Variants in PIWIL2 observed in about 807,000 individuals in gnomAD.
PIWIL2 encodes piwi like RNA-mediated gene silencing 2.
PIWIL2 carries 81 observed loss-of-function variants against 116.5 expected under a neutral mutation model. That is an observed-to-expected ratio of 0.70 (90% CI 0.58 to 0.84). The LOEUF (loss-of-function observed/expected upper bound fraction) is 0.84. Among genes scored for constraint, PIWIL2 ranks in the 40% least tolerant of loss-of-function variants. PIWIL2 has a pLI of 0.00. For synonymous variants in PIWIL2, 489 were observed against 429.5 expected (o/e 1.14, Z -1.71); for missense variants, 1,272 against 1,212.3 (o/e 1.05, Z -0.73).
chr8:22,308,741 G>A (rs1038260057), intron 14 of PIWIL2, among the ~76,000 whole-genome samples: 4 of 151,924 alleles, frequency 2.6e-5, no homozygotes, highest in Non-Finnish European at 4.4e-5. Flanking sequence ...TTTTTGAGAC[G>A]GATTCCAAGT....
Position 22,279,437 on chromosome 8 carries a change from C to G in PIWIL2, c.51C>G (p.Ser17=). The change falls in exon 2 of 23, where the codon TCC becomes TCG. Residue 17 remains serine (S), a synonymous_variant. Coordinates refer to ENST00000356766, the MANE Select transcript of PIWIL2 (RefSeq NM_018068.5). ...GGGGCCAGTCTCCTATCCACCCATC[C>G]CAGTGCCAGGCTGTACGGATGCCAG... ...SFRGQSPIHP[S]QCQAVRMPGC... 1.9e-6 allele frequency: 3 copies of G among 1,614,156 alleles called. No homozygotes were observed. The highest frequency in any genetic ancestry group is 2.5e-6 in the Non-Finnish European group (3 of 1,180,012).
At chr8:22,331,198 A>C (rs1212652835) in intron 20 of PIWIL2, among the ~76,000 whole-genome samples, 1 of 151,954 alleles carries the variant, frequency 6.6e-6, no homozygotes, top group Non-Finnish European at 1.5e-5. Flanking sequence ...ATAAAAAATA[A>C]AAAGTTCTGA....
intron 20 of PIWIL2, among the ~76,000 whole-genome samples, chr8:22,334,193 T>C (rs1257328385): frequency 6.6e-6 from 1 of 151,886 alleles, no homozygotes; most frequent in Non-Finnish European, 1.5e-5. Context: ...CAGGCTAGTC[T>C]CGAACTCCTG....
rs777028397 is a variant in PIWIL2 at position 22,308,065 on chromosome 8, G to A, written c.1678G>A (p.Val560Ile). ...MRWGLRLQKD[V>I]HKIEGRVLPM... ...TTGGGGGCTCCGTCTGCAAAAGGAT[G>A]TACATAAGGTAAACCAAAAAACGTG... Residue 560 changes from valine to isoleucine, a missense_variant, in exon 14 of 23, where the codon GTA (valine) becomes ATA (isoleucine). Coordinates refer to ENST00000356766, the MANE Select transcript of PIWIL2 (RefSeq NM_018068.5). The A allele has an allele frequency of 2.6e-5, 42 of 1,613,176 alleles. No homozygotes were observed. The highest frequency in any genetic ancestry group is 1.6e-4 in the Middle Eastern group (1 of 6,082).
intron 20 of PIWIL2, among the ~76,000 whole-genome samples, chr8:22,337,653 C>A (rs779437810): frequency 2.6e-5 from 4 of 151,594 alleles, no homozygotes; most frequent in Non-Finnish European, 5.9e-5. Context: ...TAGCTTGTAC[C>A]TGGGAGGCGG....
intron 20 of PIWIL2, among the ~76,000 whole-genome samples, chr8:22,343,852 A>G (rs1050680847): frequency 6.6e-6 from 1 of 152,230 alleles, no homozygotes; most frequent in African/African-American, 2.4e-5. Context: ...CTAAATGTGC[A>G]CTTACATACA....
At chr8:22,288,438 A>C (rs1212645801) in intron 7 of PIWIL2, 104 bp from the exon 8 acceptor site, 3 of 793,160 alleles carry the variant, frequency 3.8e-6, no homozygotes, top group African/African-American at 3.4e-5. Context: ...AAAATGTTTT[A>C]AGATACTTTA....
chr8:22,327,449 C>A (rs1386711863), intron 20 of PIWIL2, among the ~76,000 whole-genome samples: 1 of 150,072 alleles, frequency 6.7e-6, no homozygotes, highest in Non-Finnish European at 1.5e-5. Flanking sequence ...CTCACCACAA[C>A]CTCCACCTCC....
At chr8:22,333,432 A>G (rs926786542) in intron 20 of PIWIL2, among the ~76,000 whole-genome samples, 8 of 151,936 alleles carry the variant, frequency 5.3e-5, no homozygotes, top group Non-Finnish European at 1.0e-4. Context: ...ACCAACATGG[A>G]GAAACCCCAT....
At position 22,355,279 on chromosome 8, in the gene PIWIL2, T is replaced by G. The variant is rs754811355; in HGVS notation, c.2766-70T>G. 6.1e-6 allele frequency: 9 copies of G among 1,469,076 alleles called. No individual in the cohort carries two copies. In the South Asian group the frequency reaches 6.9e-5, roughly 11 times the overall value. 91.0% of individuals were successfully genotyped at this position (1,469,076 alleles called of 1,614,324 possible). A position where few individuals can be genotyped will look rare whatever the true frequency, so the allele number is the denominator to read the frequency against. On this transcript the variant is annotated intron_variant, in intron 22 of 22. Transcript: ENST00000356766. ...CTCTGTGTCATATCCCCGTGACTAT[T>G]GTATTGTATTGCATGCCACAAATTG...
rs189141370 is a variant in PIWIL2 at position 22,354,599 on chromosome 8, C to T, written c.2765+221C>T. On this transcript the variant is annotated intron_variant, in intron 22 of 22. Coordinates refer to ENST00000356766, the MANE Select transcript of PIWIL2 (RefSeq NM_018068.5). Reference sequence around the variant, plus strand: ...AAAAATATTGATGCCAGGCTTCCCCCCAACTATTCTGAGGCATCTGTATTT... The same window carrying T: ...AAAAATATTGATGCCAGGCTTCCCCTCAACTATTCTGAGGCATCTGTATTT... Among the ~76,000 whole-genome samples the T allele has an allele frequency of 1.1e-3, 162 of 152,256 alleles. 4 individuals carry two copies. The South Asian group carries it at 0.019, about 18-fold the overall frequency.
At chr8:22,284,129 T>C in intron 5 of PIWIL2, 33 bp from the exon 6 acceptor site, 1 of 1,160,052 alleles carries the variant, frequency 8.6e-7, no homozygotes, top group Non-Finnish European at 1.2e-6. Context: ...TTGTTTTTGA[T>C]ATATGCAGTT....
chr8:22,317,841 T>C (rs1326174577), intron 19 of PIWIL2, among the ~76,000 whole-genome samples: 1 of 151,978 alleles, frequency 6.6e-6, no homozygotes, highest in Non-Finnish European at 1.5e-5. Context: ...TTTTGTACTT[T>C]TAGTAGAGAC....
At chr8:22,354,407 C>G (rs761028827) in intron 22 of PIWIL2, 29 bp downstream of exon 22, 12 of 1,412,112 alleles carry the variant, frequency 8.5e-6, no homozygotes, top group Admixed American at 1.7e-5. Context: ...TACTCTTTCT[C>G]TTTCTTAAAT....
intron 20 of PIWIL2, among the ~76,000 whole-genome samples, chr8:22,324,603 A>G (rs117530328): frequency 6.6e-6 from 1 of 152,330 alleles, no homozygotes; most frequent in East Asian, 1.9e-4. Flanking sequence ...TAGGAACTCT[A>G]ACATGAAGGT....
At chr8:22,354,155 C>T in intron 21 of PIWIL2, 116 bp from the exon 22 acceptor site, 1 of 689,810 alleles carries the variant, frequency 1.4e-6, no homozygotes, top group South Asian at 1.7e-5. Flanking sequence ...GTCCTTGATC[C>T]AGTCATTTGA....
rs538777575 is a variant in PIWIL2, at chr8:22,356,502, C to G, written c.*997C>G. ...GATTTCTTCCCCAAATATACACATG[C>G]TCTTTTGCTCTTTGTGCCTGATCTT... On this transcript the variant is annotated 3_prime_UTR_variant, in exon 23 of 23. Coordinates refer to ENST00000356766, the MANE Select transcript of PIWIL2 (RefSeq NM_018068.5). 6 of 152,246 alleles carry G rather than the reference C, an allele frequency of 3.9e-5. No homozygotes were observed. The highest frequency in any genetic ancestry group is 7.4e-5 in the Non-Finnish European group (5 of 68,012). 9.4% of individuals were successfully genotyped at this position (152,246 alleles called of 1,614,324 possible).
At chr8:22,355,124 T>C (rs1832461256) in intron 22 of PIWIL2, among the ~76,000 whole-genome samples, 1 of 149,182 alleles carries the variant, frequency 6.7e-6, no homozygotes, top group African/African-American at 2.5e-5. Flanking sequence ...GGGAAATGCC[T>C]CAATTGAGAA....
At chr8:22,337,827 A>T (rs1390076665) in intron 20 of PIWIL2, among the ~76,000 whole-genome samples, 2 of 150,170 alleles carry the variant, frequency 1.3e-5, no homozygotes, top group Non-Finnish European at 3.0e-5. Context: ...AGGCGCAGTG[A>T]CTCGCACCTG....
Sources: gnomAD v4.1 joint callset for allele counts (sites outside exome capture counted in the v4.1 genomes callset) on GRCh38, gnomAD v4.1.1 for gene constraint, MANE v1.5 for transcripts, NCBI Gene and HGNC (gene_info 2026-07-23, HGNC 2026-07-21) for gene names.